The following AHCTF1 variants were observed in gnomAD, a reference collection of about 807,000 sequenced individuals.
AHCTF1 encodes protein ELYS.
In AHCTF1, 24 loss-of-function variants were observed where a neutral mutation model predicts 248.4. That is an observed-to-expected ratio of 0.10 (90% confidence interval 0.07 to 0.14). The LOEUF (loss-of-function observed/expected upper bound fraction) is 0.14, where lower values mean the gene tolerates loss of function less well. Ranked by LOEUF, AHCTF1 falls within the 10% of genes least tolerant of loss-of-function variation. The pLI is 1.00. For synonymous variants in AHCTF1, 786 were observed against 929.8 expected, an observed-to-expected ratio of 0.85 and a Z score of 2.81; for missense variants, 2,206 against 2,636.2, an observed-to-expected ratio of 0.84 and a Z score of 3.57.
intron 1 of AHCTF1, chr1:246,931,171 G>A: frequency 3.9e-6 from 6 of 1,550,368 alleles, no homozygotes; most frequent in Middle Eastern, 1.7e-4. Flanking sequence ...GCCAACACAG[G>A]ACAGGCTCAG....
chr1:246,872,410 C>CA (rs1319944858), intron 24 of AHCTF1, among the ~76,000 whole-genome samples: 4 of 152,120 alleles, frequency 2.6e-5, no homozygotes, highest in African/African-American at 9.7e-5. Flanking sequence ...AAAAGGGATA[C>CA]ACCCTTGTCA....
At chr1:246,864,319 A>G (rs1323617934) in intron 26 of AHCTF1, 1 of 491,890 alleles carries the variant, frequency 2.0e-6, no homozygotes, top group African/African-American at 2.0e-5. Context: ...AGAACTGCAC[A>G]TAGCAACTGA....
At chr1:246,847,468 C>G (rs1223659542) in intron 33 of AHCTF1, among the ~76,000 whole-genome samples, 1 of 152,076 alleles carries the variant, frequency 6.6e-6, no homozygotes, top group Non-Finnish European at 1.5e-5. Flanking sequence ...GGATTATATA[C>G]TTCTATTTTA....
chr1:246,906,988 G>A (rs566006509), intron 5 of AHCTF1, among the ~76,000 whole-genome samples: 1 of 152,236 alleles, frequency 6.6e-6, no homozygotes, highest in African/African-American at 2.4e-5. Context: ...AACAAAAGGG[G>A]ATCTGTTCTG....
At chr1:246,919,369 A>G (rs942182296) in intron 1 of AHCTF1, among the ~76,000 whole-genome samples, 2 of 152,194 alleles carry the variant, frequency 1.3e-5, no homozygotes, top group African/African-American at 2.4e-5. Flanking sequence ...CAGAAAGACA[A>G]CATTTTCTTT....
intron 8 of AHCTF1, among the ~76,000 whole-genome samples, chr1:246,901,555 C>T (rs1283351908): frequency 2.0e-5 from 3 of 152,086 alleles, no homozygotes; most frequent in African/African-American, 7.2e-5. Flanking sequence ...ACCCCGGAGG[C>T]GGAGCTTGCA....
At chr1:246,919,319 T>C (rs1196241998) in intron 1 of AHCTF1, among the ~76,000 whole-genome samples, 1 of 152,156 alleles carries the variant, frequency 6.6e-6, no homozygotes, top group Non-Finnish European at 1.5e-5. Context: ...ATGGGTACAA[T>C]AAAGCTGTCC....
rs528955164 is a variant in AHCTF1 at position 246,850,769 on chromosome 1, A to G, written c.5237T>C (p.Ile1746Thr). 1.2e-5 allele frequency: 19 copies of G among 1,613,700 alleles called. 1 individual carries two copies. In the South Asian group the frequency reaches 1.6e-4, roughly 14 times the overall value. Residue 1746 changes from isoleucine to threonine, a missense_variant, in exon 33 of 36, where the codon ATC becomes ACC. Ile to Thr is a moderately conservative substitution (Grantham distance 89). Around this residue, in one of 6 missense-constraint regions of AHCTF1, gnomAD observed 955 missense variants for 1,055.6 expected, o/e 0.90. Transcript: ENST00000648844. ...TGCTGATTTGACATTCACGTTTTGG[A>G]TACGTTGACCTCTCGTACGAGTTTT... ...SSKTRTRGQR[I>T]QNVNVKSAQQ...
intron 12 of AHCTF1, among the ~76,000 whole-genome samples, chr1:246,897,131 T>A (rs1000017913): frequency 7.2e-5 from 11 of 152,090 alleles, no homozygotes; most frequent in African/African-American, 2.7e-4. Flanking sequence ...CTGGCCAACA[T>A]GGTGTAACTC....
At chr1:246,860,192 G>A (rs575173036) in intron 29 of AHCTF1, among the ~76,000 whole-genome samples, 1,610 of 151,842 alleles carry the variant, frequency 0.011, 11 homozygotes, top group Non-Finnish European at 0.016. Flanking sequence ...CCTGGTTGGG[G>A]GGGGGGCGGA....
chr1:246,860,186 GT>G (rs1483435065), intron 29 of AHCTF1, among the ~76,000 whole-genome samples: 2 of 34,258 alleles, frequency 5.8e-5, no homozygotes. Flanking sequence ...CTTGAACCTG[GT>G]TGGGGGGGGG....
intron 8 of AHCTF1, among the ~76,000 whole-genome samples, chr1:246,901,054 G>A (rs1029662239): frequency 6.6e-6 from 1 of 152,126 alleles, no homozygotes; most frequent in African/African-American, 2.4e-5. Flanking sequence ...ATAAGAGAGA[G>A]CATGGCCAGG....
chr1:246,903,922 TA>T (rs2103182782), intron 7 of AHCTF1, 26 bp downstream of exon 7: 1 of 1,521,742 alleles, frequency 6.6e-7, no homozygotes, highest in Non-Finnish European at 9.1e-7. Flanking sequence ...AATGGTAATA[TA>T]AACCCATAGT....
intron 7 of AHCTF1, among the ~76,000 whole-genome samples, chr1:246,902,920 A>G (rs1300188891): frequency 6.6e-6 from 1 of 152,186 alleles, no homozygotes; most frequent in Non-Finnish European, 1.5e-5. Context: ...AGAAGCCCTC[A>G]TGCACTACTG....
rs1226968965 is a variant in AHCTF1 at position 246,898,220 on chromosome 1, G to A, written c.1611C>T (p.Ser537=). ...LSPRFVDVQP[S]SLSQEEQLEA... is the part of the protein sequence containing the mutation. Reference sequence around the variant, plus strand: ...AAAATCATCTCACTTGGCTTAAACTGGAAGGCTGAACATCAACAAATCTTG... The same window carrying A: ...AAAATCATCTCACTTGGCTTAAACTAGAAGGCTGAACATCAACAAATCTTG... Residue 537 remains serine, a synonymous_variant, in exon 12 of 36, where the codon TCC becomes TCT. Coordinates refer to ENST00000648844, the MANE Select transcript of AHCTF1 (RefSeq NM_001323342.2). 1 of 1,612,126 alleles carries A rather than the reference G, an allele frequency of 6.2e-7. No homozygotes were observed. The highest frequency in any genetic ancestry group is 8.5e-7 in the Non-Finnish European group (1 of 1,179,952).
chr1:246,930,145 T>C (rs1162680777), intron 1 of AHCTF1, among the ~76,000 whole-genome samples: 2 of 152,144 alleles, frequency 1.3e-5, no homozygotes, highest in Non-Finnish European at 2.9e-5. Context: ...ATCTTTTTTA[T>C]TTTATTTTAG....
intron 20 of AHCTF1, among the ~76,000 whole-genome samples, chr1:246,885,911 G>A (rs1278844036): frequency 6.6e-6 from 1 of 152,176 alleles, no homozygotes; most frequent in Non-Finnish European, 1.5e-5. Flanking sequence ...ATAAGGCTGG[G>A]CACGGTGGCT....
chr1:246,894,692 C>T lies in AHCTF1; in HGVS notation c.1771G>A (p.Val591Met), dbSNP rs1204813482. The change falls in exon 14 of 36, where the codon GTG becomes ATG. Residue 591 changes from valine to methionine, a missense_variant. Around this residue, in one of 6 missense-constraint regions of AHCTF1, gnomAD observed 650 missense variants for 870.8 expected, o/e 0.75. Transcript: ENST00000648844. ...TCAAATTCCTCTTTTGTGAGAACCA[C>T]TTTATTCCACGTCCATTCAAGAACA... ...RFVLEWTWNK[V>M]VLTKEEFDRL... The T allele has an allele frequency of 1.9e-6, 3 of 1,613,512 alleles. No individual in the cohort carries two copies. The highest frequency in any genetic ancestry group is 4.5e-5 in the East Asian group (2 of 44,874).
In AHCTF1 at chr1:246,880,911, T is replaced by C. The variant is rs577061112; in HGVS notation, c.2661-3609A>G. The stretch of plus-strand genomic sequence containing the variant: ...TAATTTATGAAAGGCTAGGCTAGCA[T>C]GTTGGCAGTAAAAGACATAGAAGTC... On this transcript the variant is annotated intron_variant, in intron 21 of 35. Coordinates refer to ENST00000648844, the MANE Select transcript of AHCTF1 (RefSeq NM_001323342.2). 4.6e-5 allele frequency among the ~76,000 whole-genome samples: 7 copies of C among 152,318 alleles called. No homozygotes were observed. The South Asian group carries it at 1.4e-3, about 32-fold the overall frequency.
Sources: gnomAD v4.1 joint callset for allele counts (sites outside exome capture counted in the v4.1 genomes callset) on GRCh38, gnomAD v4.1.1 for gene constraint, gnomAD v4.1.1 regional missense constraint, MANE v1.5 for transcripts, NCBI Gene and HGNC (gene_info 2026-07-23, HGNC 2026-07-21) for gene names.